The following FBXO38 variants were observed in gnomAD, a reference collection of about 807,000 sequenced individuals.
FBXO38 encodes the protein F-box only protein 38.
A neutral mutation model predicts 131.9 loss-of-function variants in FBXO38; 53 were observed. The ratio of observed to expected loss-of-function variants is 0.40; its 90% CI spans 0.32 to 0.51. The LOEUF (loss-of-function observed/expected upper bound fraction) is 0.51, where lower values mean the gene tolerates loss of function less well. Among genes scored for constraint, FBXO38 ranks in the 20% least tolerant of loss-of-function variants. The probability of loss-of-function intolerance (pLI) is 0.53; values close to 1 mark genes in which losing one functional copy is unlikely to be tolerated. For missense variants in FBXO38, 1,076 were observed against 1,475.6 expected (o/e 0.73, Z 4.44); for synonymous variants, 452 against 505.6 (o/e 0.89, Z 1.42).
intron 12 of FBXO38, among the ~76,000 whole-genome samples, chr5:148,419,125 A>C (rs1181371048): frequency 3.3e-5 from 5 of 152,254 alleles, no homozygotes; most frequent in African/African-American, 7.2e-5. Flanking sequence ...GCTGAGAAGC[A>C]AAGAATAAAT....
chr5:148,406,692 T>C (rs1440692890), intron 7 of FBXO38, among the ~76,000 whole-genome samples: 1 of 152,278 alleles, frequency 6.6e-6, no homozygotes, highest in East Asian at 1.9e-4. Context: ...TTCTTAGAAA[T>C]GTTAACAGGG....
At chr5:148,429,332 A>ATTT (rs34170712) in intron 15 of FBXO38, among the ~76,000 whole-genome samples, 1 of 147,526 alleles carries the variant, frequency 6.8e-6, no homozygotes, top group African/African-American at 2.5e-5. Flanking sequence ...GTGGGAGCTA[A>ATTT]TTTTTTTTTT....
chr5:148,410,815 T>C, intron 9 of FBXO38, 50 bp downstream of exon 9: 1 of 1,534,182 alleles, frequency 6.5e-7, no homozygotes, highest in Non-Finnish European at 8.8e-7. Context: ...GAAATTTACT[T>C]GACAAACTGA....
chr5:148,398,040 T>C (rs1441199110), intron 2 of FBXO38, among the ~76,000 whole-genome samples: 1 of 151,958 alleles, frequency 6.6e-6, no homozygotes, highest in Non-Finnish European at 1.5e-5. Flanking sequence ...CTCCAGCTGG[T>C]GCATCTCATT....
At chr5:148,431,173 T>C (rs571272756) in intron 15 of FBXO38, among the ~76,000 whole-genome samples, 30 of 152,240 alleles carry the variant, frequency 2.0e-4, no homozygotes, top group Non-Finnish European at 3.7e-4. Flanking sequence ...ATAATAACTA[T>C]GAACATAATA....
At position 148,410,684 on chromosome 5, in the gene FBXO38, T is replaced by G. The variant is rs1051684244; in HGVS notation, c.1012T>G (p.Ser338Ala). The G allele has an allele frequency of 6.8e-6, 11 of 1,614,010 alleles. No individual in the cohort carries two copies. Among genetic ancestry groups the G allele is most frequent in the Non-Finnish European group, 9.3e-6 (11 of 1,180,004 alleles). The change falls in exon 9 of 22, where the codon TCT becomes GCT. Residue 338 changes from serine (S) to alanine (A), a missense_variant. By Grantham distance (99) the Ser-to-Ala change is moderately conservative. This residue lies in a region of FBXO38 where 146 missense variants were observed against 274.3 expected (regional missense o/e 0.53). Transcript: ENST00000340253. ...TTCCCTAACCAAAGATGGTGTCTTTTCTGCCCTAAAGATGGCAGAGTTGGA... is the reference window on the plus strand; with the variant it reads ...TTCCCTAACCAAAGATGGTGTCTTTGCTGCCCTAAAGATGGCAGAGTTGGA... The part of the protein sequence containing the change: ...QPSLTKDGVF[S>A]ALKMAELEFP...
In FBXO38 at chr5:148,404,812, G is replaced by C; in HGVS notation, c.720G>C (p.Arg240Ser). 6.2e-7 allele frequency: 1 copy of C among 1,603,790 alleles called. No individual in the cohort carries two copies. Among genetic ancestry groups the C allele is most frequent in the Non-Finnish European group, 8.5e-7 (1 of 1,176,946 alleles). Reference protein sequence around the residue: ...LCISLRTFVMRNCAGPTNSLK... With the variant: ...LCISLRTFVMSNCAGPTNSLK... ...TCAGCTTAAGAACTTTCGTCATGAG[G>C]AACTGTGCAGGTAATGGTACACAAT... is the stretch of plus-strand genomic sequence containing the variant. The change falls in exon 6 of 22, where the codon AGG becomes AGC. Residue 240 changes from arginine (R) to serine (S), a missense_variant. Coordinates refer to ENST00000340253, the MANE Select transcript of FBXO38 (RefSeq NM_205836.3).
chr5:148,399,596 T>C (rs1387180091), intron 3 of FBXO38: 1 of 154,788 alleles, frequency 6.5e-6, no homozygotes, highest in African/African-American at 2.4e-5. Flanking sequence ...AGAAGACCTA[T>C]AGTAGGTCTT....
At position 148,442,161 on chromosome 5, in the gene FBXO38, C is replaced by T. The variant is rs555775179; in HGVS notation, c.*14C>T. On this transcript the variant is annotated 3_prime_UTR_variant, in exon 22 of 22. Transcript: ENST00000340253. ...GACTACATTTAATTGGTCCCTCCTC[C>T]TTTCCAGCTATTTTGTCAGAAAGCA... The T allele has an allele frequency of 1.2e-6, 2 of 1,610,256 alleles. No homozygotes were observed. The highest frequency in any genetic ancestry group is 1.1e-5 in the South Asian group (1 of 90,620).
At chr5:148,399,238 C>G in intron 3 of FBXO38, 106 bp downstream of exon 3, 1 of 1,304,668 alleles carries the variant, frequency 7.7e-7, no homozygotes, top group Non-Finnish European at 1.0e-6. Flanking sequence ...TCTAAGTCAC[C>G]TTGTAGGCTG....
chr5:148,398,960 T>C (rs1490742909), intron 2 of FBXO38, 39 bp from the exon 3 acceptor site: 2 of 1,610,448 alleles, frequency 1.2e-6, no homozygotes, highest in Non-Finnish European at 1.7e-6. Flanking sequence ...AAGTAATACT[T>C]ATCCACTTGA....
rs560471136 is a variant in FBXO38 at position 148,408,205 on chromosome 5, G to A, written c.869-919G>A. Among the ~76,000 whole-genome samples, 4 of 152,288 alleles carry A rather than the reference G, an allele frequency of 2.6e-5. No individual in the cohort carries two copies. The South Asian group carries it at 8.3e-4, about 32-fold the overall frequency. On this transcript the variant is annotated intron_variant, in intron 7 of 21. Transcript: ENST00000340253. ...AGCACTAAAATGACTATGCCTACTC[G>A]TGACTAATATGAAAAAGATAAAAAC...
chr5:148,411,207 C>G (rs1447675566), intron 9 of FBXO38, among the ~76,000 whole-genome samples: 1 of 152,100 alleles, frequency 6.6e-6, no homozygotes, highest in Non-Finnish European at 1.5e-5. Flanking sequence ...GCTGGGGGTT[C>G]TGGATTTTCC....
At position 148,404,754 on chromosome 5, in the gene FBXO38, C is replaced by A. The variant is rs1317657944; in HGVS notation, c.662C>A (p.Thr221Asn). 2 of 1,608,034 alleles carry A rather than the reference C, an allele frequency of 1.2e-6. No homozygotes were observed. Among genetic ancestry groups the A allele is most frequent in the Non-Finnish European group, 1.7e-6 (2 of 1,178,136 alleles). The change falls in exon 6 of 22, where the codon ACT becomes AAT. Residue 221 changes from threonine (T) to asparagine (N), a missense_variant. Physicochemically the swap from Thr to Asn is moderately conservative, Grantham distance 65 (BLOSUM62 0). Transcript: ENST00000340253. The stretch of plus-strand genomic sequence containing the variant: ...CTTTATATGAAGTGGGTAAGACTCA[C>A]TAAACCACAGCCATTTAAAGACTTC... ...RHLYMKWVRL[T>N]KPQPFKDFLC...
chr5:148,427,133 A>G (rs937897052), intron 14 of FBXO38, 80 bp from the exon 15 acceptor site: 3 of 1,485,998 alleles, frequency 2.0e-6, no homozygotes, highest in Non-Finnish European at 2.7e-6. Context: ...TCCTGTTCCA[A>G]ATTTACTCTT....
chr5:148,394,968 T>A, intron 2 of FBXO38, 64 bp downstream of exon 2: 12 of 1,400,906 alleles, frequency 8.6e-6, no homozygotes, highest in Non-Finnish European at 7.6e-6. Context: ...GAGGCAGTGC[T>A]GTCTAATGTG....
At chr5:148,422,334 C>T (rs1047640342) in intron 12 of FBXO38, among the ~76,000 whole-genome samples, 1 of 152,158 alleles carries the variant, frequency 6.6e-6, no homozygotes, top group African/African-American at 2.4e-5. Context: ...ATTGCACTAA[C>T]TACTGCCTCC....
chr5:148,410,613 T>C lies in FBXO38; in HGVS notation c.963-22T>C, dbSNP rs775535347. 64 of 1,613,284 alleles carry C rather than the reference T, an allele frequency of 4.0e-5. No homozygotes were observed. The African/African-American group carries it at 5.3e-4, about 13-fold the overall frequency. ...TGATGGTTTTTGTTTTACTCTGATATGTTCTCTGTCTTTATTCACAGGTTA... is the reference window on the plus strand; with the variant it reads ...TGATGGTTTTTGTTTTACTCTGATACGTTCTCTGTCTTTATTCACAGGTTA... On this transcript the variant is annotated intron_variant, in intron 8 of 21. Coordinates refer to ENST00000340253, the MANE Select transcript of FBXO38 (RefSeq NM_205836.3).
chr5:148,427,728 A>C lies in FBXO38; in HGVS notation c.2434A>C (p.Arg812=), dbSNP rs1357194769. ...TGTTGTGAATGGCCCGGATGGTACG[A>C]GATCCGCCTTTTCCTTTAGGACTCT... ...ACVVNGPDGT[R]SAFSFRTLPQ... is the part of the protein sequence containing the mutation. Residue 812 remains arginine (R), a synonymous_variant, in exon 15 of 22, where the codon AGA becomes CGA. Coordinates refer to ENST00000340253, the MANE Select transcript of FBXO38 (RefSeq NM_205836.3). 1.1e-5 allele frequency: 17 copies of C among 1,614,042 alleles called. No individual in the cohort carries two copies. Among genetic ancestry groups the C allele is most frequent in the Non-Finnish European group, 1.4e-5 (17 of 1,179,942 alleles).
Sources: allele counts gnomAD v4.1 joint callset (sites outside exome capture counted in the v4.1 genomes callset), GRCh38; gene constraint gnomAD v4.1.1; regional missense constraint gnomAD v4.1.1; transcripts MANE v1.5; gene names NCBI Gene and HGNC (gene_info 2026-07-23, HGNC 2026-07-21).